Variants in LMO7 observed in about 807,000 individuals in gnomAD.
LMO7 encodes LIM domain only protein 7.
A neutral mutation model predicts 206.5 loss-of-function variants in LMO7; 120 were observed. The ratio of observed to expected loss-of-function variants is 0.58; its 90% CI spans 0.50 to 0.68. The LOEUF is 0.68. LMO7 is among the 30% of genes least tolerant of loss of function. LMO7 has a pLI of 0.00. For missense variants in LMO7, 1,959 were observed against 1,957.9 expected (o/e 1.00, Z -0.01); for synonymous variants, 706 against 681.5 (o/e 1.04, Z -0.56).
At position 75,823,490 on chromosome 13, in the gene LMO7, A is replaced by AT. The variant is rs527895744; in HGVS notation, c.2641-72dup. 2.1e-4 allele frequency: 238 copies of AT among 1,152,170 alleles called. 1 individual carries two copies. In the South Asian group the frequency reaches 3.2e-3, roughly 15 times the overall value. 71.4% of individuals were successfully genotyped at this position (1,152,170 alleles called of 1,614,324 possible). On this transcript the variant is annotated intron_variant, in intron 14 of 30. Transcript: ENST00000377534. ...ATGTTATTTTAGTTTTAAAATATTA[A>AT]TTTAATAAACAACTTTTAAAAACAG...
At chr13:75,757,383 T>C (rs942138915) in intron 3 of LMO7, among the ~76,000 whole-genome samples, 8 of 152,198 alleles carry the variant, frequency 5.3e-5, no homozygotes, top group Non-Finnish European at 1.2e-4. Context: ...CATAAACACC[T>C]ATTCCCTTAA....
chr13:75,741,405 A>C (rs1411134610), intron 3 of LMO7, among the ~76,000 whole-genome samples: 1 of 152,238 alleles, frequency 6.6e-6, no homozygotes, highest in African/African-American at 2.4e-5. Flanking sequence ...ACTAAAAATA[A>C]GGTCAGTTTA....
At chr13:75,766,974 A>G (rs1402656699) in intron 4 of LMO7, among the ~76,000 whole-genome samples, 1 of 152,136 alleles carries the variant, frequency 6.6e-6, no homozygotes, top group East Asian at 1.9e-4. Context: ...AAATCTGGCA[A>G]AGCAGGCACT....
At chr13:75,702,968 A>G (rs534670126) in intron 1 of LMO7, among the ~76,000 whole-genome samples, 29 of 152,380 alleles carry the variant, frequency 1.9e-4, no homozygotes, top group African/African-American at 6.7e-4. Flanking sequence ...GTTTCATCCA[A>G]CCATATAGTC....
intron 3 of LMO7, among the ~76,000 whole-genome samples, chr13:75,743,914 A>C (rs903769189): frequency 6.6e-6 from 1 of 152,172 alleles, no homozygotes; most frequent in African/African-American, 2.4e-5. Context: ...TAATTTAAGT[A>C]ATTTTTTTGT....
At chr13:75,689,677 T>C (rs1431980050) in intron 1 of LMO7, among the ~76,000 whole-genome samples, 2 of 152,134 alleles carry the variant, frequency 1.3e-5, no homozygotes, top group Admixed American at 1.3e-4. Flanking sequence ...CCTTCATCTT[T>C]CTCCTGTGCC....
intron 3 of LMO7, among the ~76,000 whole-genome samples, chr13:75,727,774 C>A (rs866265066): frequency 1.4e-5 from 2 of 146,704 alleles, no homozygotes; most frequent in Non-Finnish European, 3.0e-5. Flanking sequence ...ATCCCTCCCC[C>A]CTCCCCCAAC....
intron 4 of LMO7, among the ~76,000 whole-genome samples, chr13:75,766,947 T>G (rs1465359513): frequency 6.6e-6 from 1 of 152,118 alleles, no homozygotes; most frequent in African/African-American, 2.4e-5. Flanking sequence ...TTTATTCTCA[T>G]TATAAAAATG....
chr13:75,786,405 C>G (rs1233671027), intron 4 of LMO7, among the ~76,000 whole-genome samples: 1 of 148,618 alleles, frequency 6.7e-6, no homozygotes, highest in Non-Finnish European at 1.5e-5. Flanking sequence ...GATGGAGTCT[C>G]GCTCTGTTGC....
intron 15 of LMO7, among the ~76,000 whole-genome samples, chr13:75,829,298 T>C (rs1019343336): frequency 2.0e-5 from 3 of 152,046 alleles, no homozygotes; most frequent in Non-Finnish European, 2.9e-5. Context: ...AAAGCAAGAA[T>C]AGTGGGCAGT....
chr13:75,739,880 G>A (rs1471930471), intron 3 of LMO7, among the ~76,000 whole-genome samples: 4 of 152,198 alleles, frequency 2.6e-5, no homozygotes, highest in Non-Finnish European at 5.9e-5. Flanking sequence ...GGGGAGGTTT[G>A]TGGGACCCTG....
At chr13:75,735,116 C>CGTGTGTGTGTGTGT (rs112512807) in intron 3 of LMO7, among the ~76,000 whole-genome samples, 5 of 145,602 alleles carry the variant, frequency 3.4e-5, no homozygotes, top group African/African-American at 1.3e-4. Context: ...AAAAAAATTA[C>CGTGTGTGTGTGTGT]GTGTGTGTGT....
chr13:75,784,242 T>G (rs542649418), intron 4 of LMO7, among the ~76,000 whole-genome samples: 1 of 152,320 alleles, frequency 6.6e-6, no homozygotes, highest in African/African-American at 2.4e-5. Context: ...GGTCTAAAAT[T>G]ATATTATCTC....
At position 75,804,377 on chromosome 13, in the gene LMO7, T is replaced by G; in HGVS notation, c.750T>G (p.Val250=). 6.2e-7 allele frequency: 1 copy of G among 1,614,210 alleles called. No homozygotes were observed. Among genetic ancestry groups the G allele is most frequent in the Non-Finnish European group, 8.5e-7 (1 of 1,180,022 alleles). The stretch of plus-strand genomic sequence containing the variant: ...TGTCGTATCGAAGGATTTCGGCTGT[T>G]GAGCCAAAGACTGCGTTACCCTTCA... The part of the protein sequence containing the change: ...DDMSYRRISA[V]EPKTALPFNR... The change falls in exon 8 of 31, where the codon GTT becomes GTG. Residue 250 remains valine, a synonymous_variant. Transcript: ENST00000377534.
At chr13:75,696,352 C>G (rs1047288052) in intron 1 of LMO7, among the ~76,000 whole-genome samples, 1 of 146,188 alleles carries the variant, frequency 6.8e-6, no homozygotes, top group Admixed American at 7.3e-5. Flanking sequence ...GAGACTCCAT[C>G]TCAAAAAAAC....
intron 30 of LMO7, 54 bp downstream of exon 30, chr13:75,856,662 T>C: frequency 9.8e-7 from 1 of 1,017,008 alleles, no homozygotes. Context: ...GGCCACGGGT[T>C]CCCATGCATT....
intron 1 of LMO7, among the ~76,000 whole-genome samples, chr13:75,654,056 A>T (rs1332012768): frequency 6.6e-6 from 1 of 152,190 alleles, no homozygotes; most frequent in Non-Finnish European, 1.5e-5. Context: ...TCTCACTCTC[A>T]TCATGACTAC....
intron 1 of LMO7, among the ~76,000 whole-genome samples, chr13:75,696,143 T>C (rs1594338898): frequency 6.6e-6 from 1 of 151,980 alleles, no homozygotes; most frequent in Non-Finnish European, 1.5e-5. Context: ...GATCACGAGG[T>C]CAGGAGATTG....
intron 27 of LMO7, among the ~76,000 whole-genome samples, chr13:75,850,785 C>G (rs2060432332): frequency 6.6e-6 from 1 of 151,706 alleles, no homozygotes. Context: ...GTTTACAGGC[C>G]ACATAGGTTT....
Sources: gnomAD v4.1 joint callset for allele counts (sites outside exome capture counted in the v4.1 genomes callset) on GRCh38, gnomAD v4.1.1 for gene constraint, MANE v1.5 for transcripts, NCBI Gene and HGNC (gene_info 2026-07-23, HGNC 2026-07-21) for gene names.